The following LRIG2 variants were observed in gnomAD, a reference collection of about 807,000 sequenced individuals.
LRIG2 encodes the protein leucine-rich repeats and immunoglobulin-like domains protein 2.
In LRIG2, 93 loss-of-function variants were observed where a neutral mutation model predicts 107.8. That is an observed-to-expected ratio of 0.86 (90% CI 0.73 to 1.03). The LOEUF (loss-of-function observed/expected upper bound fraction) is 1.03, where lower values mean the gene tolerates loss of function less well. Among genes scored for constraint, LRIG2 ranks in the 50% least tolerant of loss-of-function variants. The pLI, the probability that LRIG2 is intolerant of heterozygous loss-of-function variation, is 0.00. For synonymous variants in LRIG2, 471 were observed against 470.6 expected, an observed-to-expected ratio of 1.00 and a Z score of -0.01; for missense variants, 1,226 against 1,296.0, an observed-to-expected ratio of 0.95 and a Z score of 0.83.
chr1:113,120,113 A>G (rs1655180082), intron 17 of LRIG2, among the ~76,000 whole-genome samples: 2 of 151,832 alleles, frequency 1.3e-5, no homozygotes, highest in South Asian at 4.2e-4. Context: ...CCGGTATCAT[A>G]TAGGGTATTA....
chr1:113,080,489 C>T (rs1299702392), intron 1 of LRIG2, among the ~76,000 whole-genome samples: 4 of 152,112 alleles, frequency 2.6e-5, no homozygotes, highest in African/African-American at 4.8e-5. Context: ...ACGCCATTCT[C>T]CTGCCTCAGC....
intron 13 of LRIG2, among the ~76,000 whole-genome samples, 200 bp from the exon 14 acceptor site, chr1:113,112,279 C>G (rs1253261757): frequency 1.3e-5 from 2 of 152,086 alleles, no homozygotes; most frequent in Non-Finnish European, 2.9e-5. Flanking sequence ...GACAGCAGAG[C>G]AAGACCCTAT....
intron 16 of LRIG2, among the ~76,000 whole-genome samples, 199 bp downstream of exon 16, chr1:113,116,635 A>G (rs952848699): frequency 6.6e-6 from 1 of 152,262 alleles, no homozygotes; most frequent in Non-Finnish European, 1.5e-5. Context: ...GTGGAGAAAC[A>G]CATTAAACAA....
chr1:113,095,796 A>G, intron 6 of LRIG2, 78 bp from the exon 7 acceptor site: 1 of 1,495,612 alleles, frequency 6.7e-7, no homozygotes. Flanking sequence ...CTTCTCTGGG[A>G]AAAACTTAAG....
intron 1 of LRIG2, among the ~76,000 whole-genome samples, chr1:113,074,198 CAGG>C (rs2101007289): frequency 1.3e-5 from 2 of 152,280 alleles, no homozygotes; most frequent in East Asian, 3.9e-4. Context: ...TATGATGAAT[CAGG>C]AGATCCTGTA....
chr1:113,085,767 A>C (rs2101024474), intron 1 of LRIG2, among the ~76,000 whole-genome samples: 1 of 152,328 alleles, frequency 6.6e-6, no homozygotes, highest in Middle Eastern at 3.4e-3. Flanking sequence ...ATTAGAAACA[A>C]ATTTTGTAAA....
rs915620994 is a variant in LRIG2, at chr1:113,097,280, CAA to C, written c.1091+917_1091+918del. On this transcript the variant is annotated intron_variant, in intron 8 of 17. Transcript: ENST00000361127. ...AAACACAGAGCAGAATAAAAGAAAA[CAA>C]AGAGTAATTAGTAGAATTTGTAGAT... is the stretch of plus-strand genomic sequence containing the variant. Among the ~76,000 whole-genome samples the C allele has an allele frequency of 2.7e-4, 41 of 151,652 alleles. No homozygotes were observed. The East Asian group carries it at 2.9e-3, about 11-fold the overall frequency.
At chr1:113,095,576 T>C (rs1455858690) in intron 6 of LRIG2, among the ~76,000 whole-genome samples, 1 of 151,944 alleles carries the variant, frequency 6.6e-6, no homozygotes, top group African/African-American at 2.4e-5. Flanking sequence ...GCCCAGTTAA[T>C]TTTTGTATTT....
intron 11 of LRIG2, among the ~76,000 whole-genome samples, chr1:113,102,619 CT>C (rs1288972722): frequency 2.6e-5 from 4 of 151,806 alleles, no homozygotes; most frequent in Non-Finnish European, 5.9e-5. Context: ...TCTAACTTAC[CT>C]TTTTTGTTGT....
chr1:113,104,468 C>T (rs145494725), intron 11 of LRIG2, among the ~76,000 whole-genome samples: 1 of 152,148 alleles, frequency 6.6e-6, no homozygotes, highest in African/African-American at 2.4e-5. Context: ...TCCAGACAGC[C>T]CCTAGATGTC....
intron 16 of LRIG2, among the ~76,000 whole-genome samples, chr1:113,117,586 C>T (rs529013905): frequency 6.6e-6 from 1 of 151,740 alleles, no homozygotes; most frequent in South Asian, 2.1e-4. Flanking sequence ...CAGGTTCAAG[C>T]GATTCCTCTG....
At position 113,100,118 on chromosome 1, in the gene LRIG2, C is replaced by T. The variant is rs1654242899; in HGVS notation, c.1173-93C>T. Reference sequence around the variant, plus strand: ...GCTGTTAAGTATATAAAAAAGTACGCTACGCTTATTTTCACTTTTTATAGG... The same window carrying T: ...GCTGTTAAGTATATAAAAAAGTACGTTACGCTTATTTTCACTTTTTATAGG... On this transcript the variant is annotated intron_variant, in intron 9 of 17. Transcript: ENST00000361127. The T allele has an allele frequency of 9.0e-6, 6 of 665,862 alleles. No homozygotes were observed. The South Asian group carries it at 1.5e-4, about 17-fold the overall frequency. The allele number at this position is 665,862 out of a possible 1,614,324, so 41.2% of individuals were successfully genotyped here. A position where few individuals can be genotyped will look rare whatever the true frequency, so the allele number is the denominator to read the frequency against.
intron 1 of LRIG2, among the ~76,000 whole-genome samples, chr1:113,086,000 G>GTTTTTTTTT: frequency 1.5e-5 from 1 of 65,020 alleles, no homozygotes; most frequent in South Asian, 7.7e-4. Context: ...TAACCCTGAG[G>GTTTTTTTTT]TTTTTTTTTT....
chr1:113,080,011 T>A (rs1159127031), intron 1 of LRIG2, among the ~76,000 whole-genome samples: 5 of 127,444 alleles, frequency 3.9e-5, no homozygotes, highest in Non-Finnish European at 8.0e-5. Flanking sequence ...CCACTGCGCC[T>A]GGCCCGAATT....
chr1:113,107,096 GCA>G (rs1251120325), intron 11 of LRIG2, among the ~76,000 whole-genome samples: 3 of 151,776 alleles, frequency 2.0e-5, no homozygotes, highest in Admixed American at 1.3e-4. Flanking sequence ...ATACATATAT[GCA>G]CAGTTTTTTT....
In LRIG2 at chr1:113,100,476, A is replaced by T. The variant is rs748278762; in HGVS notation, c.1301A>T (p.His434Leu). 2.7e-6 allele frequency: 4 copies of T among 1,506,282 alleles called. No individual in the cohort carries two copies. The highest frequency in any genetic ancestry group is 3.7e-6 in the Non-Finnish European group (4 of 1,088,936). The allele number at this position is 1,506,282 out of a possible 1,614,324, so 93.3% of individuals were successfully genotyped here. A position where few individuals can be genotyped will look rare whatever the true frequency, so the allele number is the denominator to read the frequency against. ...CAAGAAAATGCTTTTTCTCAGACTC[A>T]TTTAAAAGAACTGTAAGTAACTTGT... is the stretch of plus-strand genomic sequence containing the variant. ...SIQENAFSQTHLKELILNTSS... is the reference protein window; with the variant it reads ...SIQENAFSQTLLKELILNTSS... Residue 434 changes from histidine to leucine, a missense_variant, in exon 11 of 18, where the codon CAT becomes CTT. Coordinates refer to ENST00000361127, the MANE Select transcript of LRIG2 (RefSeq NM_014813.3).
At chr1:113,073,838 G>A (rs970343430) in intron 1 of LRIG2, among the ~76,000 whole-genome samples, 193 bp downstream of exon 1, 8 of 152,122 alleles carry the variant, frequency 5.3e-5, no homozygotes, top group Admixed American at 2.0e-4. Context: ...AAGGTTTCTG[G>A]AGAATTGTAT....
At chr1:113,095,557 C>T (rs964817902) in intron 6 of LRIG2, among the ~76,000 whole-genome samples, 24 of 148,860 alleles carry the variant, frequency 1.6e-4, no homozygotes, top group East Asian at 2.0e-4. Context: ...TACAGGCGCG[C>T]GCCACCGTGC....
intron 11 of LRIG2, among the ~76,000 whole-genome samples, chr1:113,101,568 T>C (rs80329723): frequency 3.3e-5 from 5 of 152,236 alleles, no homozygotes; most frequent in East Asian, 3.8e-4. Flanking sequence ...TGTGACACTT[T>C]TGTTGTAGTT....
Sources: allele counts gnomAD v4.1 joint callset (sites outside exome capture counted in the v4.1 genomes callset), GRCh38; gene constraint gnomAD v4.1.1; transcripts MANE v1.5; gene names NCBI Gene and HGNC (gene_info 2026-07-23, HGNC 2026-07-21).